The following TBX3 variants were observed in gnomAD, a reference collection of about 807,000 sequenced individuals.
TBX3 encodes the protein T-box transcription factor 3.
A neutral mutation model predicts 47.8 loss-of-function variants in TBX3; 11 were observed. That is an observed-to-expected ratio of 0.23 (90% CI 0.14 to 0.38). The LOEUF (loss-of-function observed/expected upper bound fraction) is 0.38. Among genes scored for constraint, TBX3 ranks in the 10% least tolerant of loss-of-function variants. The pLI is 1.00. For synonymous variants in TBX3, 500 were observed against 449.3 expected, an observed-to-expected ratio of 1.11 and a Z score of -1.43; for missense variants, 927 against 1,022.8, an observed-to-expected ratio of 0.91 and a Z score of 1.28.
rs1868842505 is a variant in TBX3 at position 114,679,573 on chromosome 12, T to C, written c.736A>G (p.Ser246Gly). 1 of 1,614,106 alleles carries C rather than the reference T, an allele frequency of 6.2e-7. No individual in the cohort carries two copies. Among genetic ancestry groups the C allele is most frequent in the South Asian group, 1.1e-5 (1 of 91,086 alleles). ...RANDILKLPY[S>G]TFRTYLFPET... Reference sequence around the variant, plus strand: ...GGGAACAAGTATGTCCGAAATGTACTATAAGGGAGTTTCAAGATGTCATTG... The same window carrying C: ...GGGAACAAGTATGTCCGAAATGTACCATAAGGGAGTTTCAAGATGTCATTG... The change falls in exon 3 of 7, where the codon AGT (serine) becomes GGT (glycine). Residue 246 changes from serine to glycine, a missense_variant. Around this residue, in one of 5 missense-constraint regions of TBX3, gnomAD observed 38 missense variants for 77.7 expected, o/e 0.49. Transcript: ENST00000349155.
rs769814877 is a variant in TBX3 at position 114,672,182 on chromosome 12, G to C, written c.1831C>G (p.Leu611Val). 6 of 1,572,770 alleles carry C rather than the reference G, an allele frequency of 3.8e-6. No homozygotes were observed. The African/African-American group carries it at 6.7e-5, about 18-fold the overall frequency. Residue 611 changes from leucine to valine, a missense_variant, in exon 7 of 7, where the codon CTG becomes GTG. By Grantham distance (32) the Leu-to-Val change is conservative (BLOSUM62 1). Around this residue, in one of 5 missense-constraint regions of TBX3, gnomAD observed 623 missense variants for 569.0 expected, o/e 1.09. Coordinates refer to ENST00000349155, the MANE Select transcript of TBX3 (RefSeq NM_005996.4). Reference sequence around the variant, plus strand: ...CGCAGCCGCGGGCGCATGGTGTTCAGATTGAGGAAGGGGTGGCGGTGCACC... The same window carrying C: ...CGCAGCCGCGGGCGCATGGTGTTCACATTGAGGAAGGGGTGGCGGTGCACC... Reference protein sequence around the residue: ...SSVHRHPFLNLNTMRPRLRYS... With the variant: ...SSVHRHPFLNVNTMRPRLRYS...
intron 1 of TBX3, among the ~76,000 whole-genome samples, chr12:114,682,153 T>TA (rs919657720): frequency 3.7e-4 from 56 of 151,980 alleles, no homozygotes; most frequent in African/African-American, 1.2e-3. Context: ...ATTCACACAT[T>TA]AAAAAAAAGG....
intron 5 of TBX3, 109 bp downstream of exon 5, chr12:114,676,204 G>A: frequency 2.1e-6 from 3 of 1,406,058 alleles, no homozygotes; most frequent in Admixed American, 1.9e-5. Flanking sequence ...TGTTTAGAAG[G>A]CTTCTAGCTT....
At position 114,683,077 on chromosome 12, in the gene TBX3, G is replaced by C. The variant is rs1337484837; in HGVS notation, c.124C>G (p.Pro42Ala). The C allele has an allele frequency of 6.2e-7, 1 of 1,611,038 alleles. No homozygotes were observed. The highest frequency in any genetic ancestry group is 8.5e-7 in the Non-Finnish European group (1 of 1,178,310). ...AVLGHQPPFF[P>A]ALTLPPNGAA... ...CCGTTGGGAGGCAGCGTCAGCGCGGGGAAGAACGGCGGCTGGTGACCCAGC... is the reference window on the plus strand; with the variant it reads ...CCGTTGGGAGGCAGCGTCAGCGCGGCGAAGAACGGCGGCTGGTGACCCAGC... Residue 42 changes from proline to alanine, a missense_variant, in exon 1 of 7, where the codon CCC becomes GCC. By Grantham distance (27) the Pro-to-Ala change is conservative. This residue lies in a region of TBX3 where 216 missense variants were observed against 281.2 expected (regional missense o/e 0.77). Coordinates refer to ENST00000349155, the MANE Select transcript of TBX3 (RefSeq NM_005996.4). This position sits in a 1 kb window ranked among gnomAD's most constrained non-coding sequence, Gnocchi z 7.7.
chr12:114,674,445 G>C lies in TBX3; in HGVS notation c.1430C>G (p.Pro477Arg). The C allele has an allele frequency of 3.2e-6, 5 of 1,546,486 alleles. No individual in the cohort carries two copies. Among genetic ancestry groups the C allele is most frequent in the Non-Finnish European group, 4.4e-6 (5 of 1,145,256 alleles). ...DAAAAHLAQG[P>R]LPGLGFAPGL... ...CGGGGCGAAGCCGAGGCCAGGCAGGGGGCCCTGGGCCAGGTGCGCGGCGGC... is the reference window on the plus strand; with the variant it reads ...CGGGGCGAAGCCGAGGCCAGGCAGGCGGCCCTGGGCCAGGTGCGCGGCGGC... Residue 477 changes from proline (P) to arginine (R), a missense_variant, in exon 6 of 7, where the codon CCC becomes CGC. This residue lies in a region of TBX3 where 623 missense variants were observed against 569.0 expected (regional missense o/e 1.09). Coordinates refer to ENST00000349155, the MANE Select transcript of TBX3 (RefSeq NM_005996.4).
Position 114,672,274 on chromosome 12 carries a change from A to G in TBX3, c.1739T>C (p.Leu580Pro). The change falls in exon 7 of 7, where the codon CTG becomes CCG. Residue 580 changes from leucine to proline, a missense_variant. By Grantham distance (98) the Leu-to-Pro change is moderately conservative. Coordinates refer to ENST00000349155, the MANE Select transcript of TBX3 (RefSeq NM_005996.4). ...QGLAMSPFGS[L>P]FPYPYTYMAA... Reference sequence around the variant, plus strand: ...CATGTACGTGTAGGGGTAAGGGAACAGGCTTCCGAAAGGGGACATGGCCAG... The same window carrying G: ...CATGTACGTGTAGGGGTAAGGGAACGGGCTTCCGAAAGGGGACATGGCCAG... 6.4e-7 allele frequency: 1 copy of G among 1,572,392 alleles called. No homozygotes were observed.
rs914587139 is a variant in TBX3 at position 114,671,079 on chromosome 12, T to A, written c.*762A>T. 22 of 208,186 alleles carry A rather than the reference T, an allele frequency of 1.1e-4. No homozygotes were observed. Among genetic ancestry groups the A allele is most frequent in the Non-Finnish European group, 2.1e-4 (21 of 102,176 alleles). The allele number at this position is 208,186 out of a possible 1,614,324, so 12.9% of individuals were successfully genotyped here. ...TCATTTTATGTGTTTTGCCCACTCC[T>A]TCCCTTTAAATCCCCCCCTCCCTTG... On this transcript the variant is annotated 3_prime_UTR_variant, in exon 7 of 7. Coordinates refer to ENST00000349155, the MANE Select transcript of TBX3 (RefSeq NM_005996.4).
chr12:114,674,227 G>A lies in TBX3; in HGVS notation c.1648C>T (p.Leu550=), dbSNP rs2121382082. 1 of 1,577,340 alleles carries A rather than the reference G, an allele frequency of 6.3e-7. No homozygotes were observed. Among genetic ancestry groups the A allele is most frequent in the Non-Finnish European group, 8.6e-7 (1 of 1,162,446 alleles). The change falls in exon 6 of 7, where the codon CTG becomes TTG. Residue 550 remains leucine, a synonymous_variant. Transcript: ENST00000349155. ...AGGGTGGCCGCGGACGCCCCGGACA[G>A]TCCCTGCGCCGCAGCGGCAGAGGCC... ...AMASAAAAQG[L]SGASAATLPF... is the part of the protein sequence containing the mutation.
intron 3 of TBX3, among the ~76,000 whole-genome samples, chr12:114,678,800 C>T (rs1199642221): frequency 6.6e-6 from 1 of 152,140 alleles, no homozygotes; most frequent in East Asian, 1.9e-4. Context: ...GCCACCATAG[C>T]TCTAGATATC....
chr12:114,678,895 G>A (rs12231784), intron 3 of TBX3, among the ~76,000 whole-genome samples: 1 of 152,066 alleles, frequency 6.6e-6, no homozygotes, highest in East Asian at 1.9e-4. Context: ...GGTGACTTTG[G>A]CCACCCCAAC....
chr12:114,683,452 G>T lies in TBX3; in HGVS notation c.-252C>A. On this transcript the variant is annotated 5_prime_UTR_variant, in exon 1 of 7. Coordinates refer to ENST00000349155, the MANE Select transcript of TBX3 (RefSeq NM_005996.4). This position sits in a 1 kb window ranked among gnomAD's most constrained non-coding sequence, Gnocchi z 7.7. ...AGGCGAAAAATCAGCAAACATAGTCGCGCGGGTGACCGTCCTTGTGCCTTG... is the reference window on the plus strand; with the variant it reads ...AGGCGAAAAATCAGCAAACATAGTCTCGCGGGTGACCGTCCTTGTGCCTTG... 1.8e-6 allele frequency: 1 copy of T among 543,890 alleles called. No individual in the cohort carries two copies. Among genetic ancestry groups the T allele is most frequent in the Non-Finnish European group, 3.2e-6 (1 of 312,688 alleles). 33.7% of individuals were successfully genotyped at this position (543,890 alleles called of 1,614,324 possible).
chr12:114,673,960 C>T (rs1482394357), intron 6 of TBX3, among the ~76,000 whole-genome samples: 6 of 152,198 alleles, frequency 3.9e-5, no homozygotes, highest in Non-Finnish European at 7.3e-5. Flanking sequence ...CCTTTAACTT[C>T]GGAAAAATTT....
chr12:114,680,138 C>T lies in TBX3; in HGVS notation c.658-487G>A, dbSNP rs561952000. Reference sequence around the variant, plus strand: ...AAGGGCTTCAAATGCAATTCCTGCCCGCTGAAGATATTTCCGCGCCATTCG... The same window carrying T: ...AAGGGCTTCAAATGCAATTCCTGCCTGCTGAAGATATTTCCGCGCCATTCG... On this transcript the variant is annotated intron_variant, in intron 2 of 6. Coordinates refer to ENST00000349155, the MANE Select transcript of TBX3 (RefSeq NM_005996.4). 201 of 702,628 alleles carry T rather than the reference C, an allele frequency of 2.9e-4. 1 individual carries two copies. Among genetic ancestry groups the T allele is most frequent in the South Asian group, 1.9e-3 (112 of 58,242 alleles). The allele number at this position is 702,628 out of a possible 1,614,324, so 43.5% of individuals were successfully genotyped here. A position where few individuals can be genotyped will look rare whatever the true frequency, so the allele number is the denominator to read the frequency against.
chr12:114,680,442 T>G (rs1009580043), intron 2 of TBX3: 30 of 289,622 alleles, frequency 1.0e-4, no homozygotes, highest in African/African-American at 5.9e-4. Context: ...TTTTTAAAAA[T>G]GTATTCACAC....
rs537364514 is a variant in TBX3 at position 114,672,380 on chromosome 12, C to G, written c.1711-78G>C. On this transcript the variant is annotated intron_variant, in intron 6 of 6. Transcript: ENST00000349155. ...CTCATCCCTCTCCTCTCTTCTCCCC[C>G]TCCAACATTGGGCAAGCCATGAATC... is the stretch of plus-strand genomic sequence containing the variant. 1.0e-5 allele frequency: 13 copies of G among 1,277,010 alleles called. No individual in the cohort carries two copies. In the Admixed American group the frequency reaches 2.3e-4, roughly 23 times the overall value. The allele number at this position is 1,277,010 out of a possible 1,614,324, so 79.1% of individuals were successfully genotyped here. A position where few individuals can be genotyped will look rare whatever the true frequency, so the allele number is the denominator to read the frequency against.
chr12:114,678,100 A>G (rs1331588941), intron 3 of TBX3, among the ~76,000 whole-genome samples: 1 of 150,106 alleles, frequency 6.7e-6, no homozygotes, highest in Non-Finnish European at 1.5e-5. Context: ...GGGTTTCACT[A>G]CCCTTGTGCG....
intron 4 of TBX3, 88 bp downstream of exon 4, chr12:114,677,492 G>A (rs1339600201): frequency 1.6e-6 from 2 of 1,260,496 alleles, no homozygotes; most frequent in African/African-American, 1.5e-5. Flanking sequence ...TAGGATAAGT[G>A]CCTGCATCTC....
intron 3 of TBX3, among the ~76,000 whole-genome samples, 169 bp from the exon 4 acceptor site, chr12:114,677,825 C>G (rs1006462379): frequency 1.2e-4 from 19 of 152,068 alleles, no homozygotes; most frequent in African/African-American, 4.3e-4. Context: ...CTTGTATCTC[C>G]TATATGAGGC....
Position 114,676,430 on chromosome 12 carries a change from T to G in TBX3, c.922A>C (p.Arg308=), listed in dbSNP as rs1868716259. The G allele has an allele frequency of 6.2e-7, 1 of 1,614,128 alleles. No homozygotes were observed. The highest frequency in any genetic ancestry group is 1.3e-5 in the African/African-American group (1 of 74,942). The change falls in exon 5 of 7, where the codon AGA becomes CGA. Residue 308 remains arginine, a synonymous_variant. Coordinates refer to ENST00000349155, the MANE Select transcript of TBX3 (RefSeq NM_005996.4). ...GAGGTCCCATTCTCCTTTTTGTGTC[T>G]TTCATCAAACACCCTCATGGACTGC... ...TLQSMRVFDE[R]HKKENGTSDE...
Sources: gnomAD v4.1 joint callset for allele counts (sites outside exome capture counted in the v4.1 genomes callset) on GRCh38, gnomAD v4.1.1 for gene constraint, gnomAD v4.1.1 regional missense constraint, Gnocchi (gnomAD v3.1) non-coding constraint, MANE v1.5 for transcripts, NCBI Gene and HGNC (gene_info 2026-07-23, HGNC 2026-07-21) for gene names.